TBL1XR1: variants seen among roughly 807,000 people sequenced by gnomAD.
TBL1XR1 encodes TBL1X/Y related 1.
Under a neutral mutation model 66.9 loss-of-function variants are expected in TBL1XR1, and 5 were observed. That is an observed-to-expected ratio of 0.07 (90% CI 0.04 to 0.16). The LOEUF is 0.16. Ranked by LOEUF, TBL1XR1 falls within the 10% of genes least tolerant of loss-of-function variation. The pLI is 1.00. For synonymous variants in TBL1XR1, 210 were observed against 206.0 expected, an observed-to-expected ratio of 1.02 and a Z score of -0.17; for missense variants, 238 against 623.2, an observed-to-expected ratio of 0.38 and a Z score of 6.58.
At chr3:177,032,533 G>A (rs1273814163) in intron 14 of TBL1XR1, 1 of 152,450 alleles carries the variant, frequency 6.6e-6, no homozygotes, top group Non-Finnish European at 1.5e-5. Flanking sequence ...AAGAATCTCT[G>A]AAACACCATA....
chr3:177,052,343 A>G (rs533149445), intron 4 of TBL1XR1, among the ~76,000 whole-genome samples: 2 of 152,336 alleles, frequency 1.3e-5, no homozygotes, highest in African/African-American at 2.4e-5. Flanking sequence ...AAATACAAAC[A>G]GTACAAATTA....
In TBL1XR1 at chr3:177,065,006, C is replaced by G. The variant is rs1373599911; in HGVS notation, c.-29G>C. The G allele has an allele frequency of 6.6e-7, 1 of 1,508,246 alleles. No individual in the cohort carries two copies. The highest frequency in any genetic ancestry group is 1.4e-5 in the African/African-American group (1 of 70,066). The allele number at this position is 1,508,246 out of a possible 1,614,324, so 93.4% of individuals were successfully genotyped here. On this transcript the variant is annotated 5_prime_UTR_variant, in exon 3 of 16. Transcript: ENST00000457928. ...TATTCCCACTTAAACCATGAGGTCA[C>G]AACACAGGATATAACCCTAAAAATA...
At chr3:177,061,008 T>C (rs557636763) in intron 3 of TBL1XR1, among the ~76,000 whole-genome samples, 2 of 152,332 alleles carry the variant, frequency 1.3e-5, no homozygotes, top group South Asian at 2.1e-4. Context: ...GTCCACTTCA[T>C]AAAAAGGCAG....
intron 1 of TBL1XR1, among the ~76,000 whole-genome samples, chr3:177,115,611 C>T (rs897321651): frequency 6.6e-6 from 1 of 151,966 alleles, no homozygotes; most frequent in Admixed American, 6.6e-5. Context: ...TATCCGTACG[C>T]CTCATTCCAC....
intron 2 of TBL1XR1, among the ~76,000 whole-genome samples, chr3:177,076,275 T>G (rs546379025): frequency 4.4e-4 from 67 of 152,288 alleles, no homozygotes; most frequent in African/African-American, 1.3e-3. Context: ...CAACATAAAT[T>G]TTGGAGGGAC....
chr3:177,072,601 AGT>A (rs2108571581), intron 2 of TBL1XR1, among the ~76,000 whole-genome samples: 1 of 152,324 alleles, frequency 6.6e-6, no homozygotes, highest in South Asian at 2.1e-4. Context: ...TAAGTAACAG[AGT>A]TACTTCCGTT....
At chr3:177,155,865 C>T (rs1416988272) in intron 1 of TBL1XR1, among the ~76,000 whole-genome samples, 1 of 151,898 alleles carries the variant, frequency 6.6e-6, no homozygotes, top group Non-Finnish European at 1.5e-5. Context: ...CAGAATTAGC[C>T]AGGCGTGGTG....
intron 15 of TBL1XR1, 33 bp from the exon 16 acceptor site, chr3:177,025,557 T>C: frequency 3.1e-6 from 5 of 1,602,610 alleles, no homozygotes; most frequent in Non-Finnish European, 3.4e-6. Context: ...ACCAGTGTAT[T>C]CAGAATTTTA....
At chr3:177,198,865 GACACACACACACACACAC>G (rs57636923), upstream of TBL1XR1, among the ~76,000 whole-genome samples, 310 of 148,174 alleles carry the variant, frequency 2.1e-3, 5 homozygotes, top group East Asian at 0.02. Context: ...GAAGTTTTGC[GACACACACACACACACAC>G]ACACACACAC....
At chr3:177,037,940 A>G (rs903691905) in intron 12 of TBL1XR1, 158 bp downstream of exon 12, 12 of 597,594 alleles carry the variant, frequency 2.0e-5, no homozygotes, top group Non-Finnish European at 3.2e-5. Context: ...AAGAAACTAT[A>G]AAATTTAAAA....
At chr3:177,103,673 C>G (rs1724513455) in intron 1 of TBL1XR1, among the ~76,000 whole-genome samples, 1 of 152,106 alleles carries the variant, frequency 6.6e-6, no homozygotes, top group African/African-American at 2.4e-5. Flanking sequence ...ATTATGGGCC[C>G]TTTTCCTAGA....
At chr3:177,108,775 A>C (rs73187540) in intron 1 of TBL1XR1, among the ~76,000 whole-genome samples, 10,444 of 152,292 alleles carry the variant, frequency 0.069, 527 homozygotes, top group Admixed American at 0.17. Flanking sequence ...TAATGCAAAC[A>C]ACAAAGAAAC....
rs547166188 is a variant in TBL1XR1, at chr3:177,146,479, G to C, written c.-121-47938C>G. 6.7e-5 allele frequency among the ~76,000 whole-genome samples: 10 copies of C among 150,222 alleles called. No homozygotes were observed. In the South Asian group the frequency reaches 2.1e-3, roughly 32 times the overall value. On this transcript the variant is annotated intron_variant, in intron 1 of 15. Coordinates refer to ENST00000457928, the MANE Select transcript of TBL1XR1 (RefSeq NM_024665.7). The stretch of plus-strand genomic sequence containing the variant: ...TTTTTTGTATTTTTAGTAGAGATGG[G>C]GGTTTCACCATGTTGGCCAGGCTGG...
intron 1 of TBL1XR1, among the ~76,000 whole-genome samples, chr3:177,117,121 G>A (rs371737342): frequency 1.4e-4 from 21 of 152,224 alleles, no homozygotes; most frequent in African/African-American, 5.1e-4. Context: ...TGCAGGAGTG[G>A]GTCAAGATTA....
intron 1 of TBL1XR1, among the ~76,000 whole-genome samples, chr3:177,148,465 C>T (rs1249670644): frequency 6.6e-6 from 1 of 152,184 alleles, no homozygotes; most frequent in African/African-American, 2.4e-5. Context: ...CCTGTAATGC[C>T]AGCACTTTGG....
At chr3:177,051,793 A>T in intron 4 of TBL1XR1, 67 bp from the exon 5 acceptor site, 2 of 1,342,650 alleles carry the variant, frequency 1.5e-6, no homozygotes, top group Non-Finnish European at 1.9e-6. Flanking sequence ...GTATTTATAC[A>T]AAATCAGAAA....
intron 9 of TBL1XR1, 108 bp downstream of exon 9, chr3:177,047,192 T>C (rs1716442652): frequency 1.1e-6 from 1 of 897,546 alleles, no homozygotes; most frequent in African/African-American, 1.7e-5. Context: ...AATTCCTATG[T>C]GAATTTCCCA....
In TBL1XR1 at chr3:177,019,590, A is replaced by G. The variant is rs1712099541; in HGVS notation, c.*5908T>C. 1.3e-5 allele frequency: 2 copies of G among 152,208 alleles called. No homozygotes were observed. Among genetic ancestry groups the G allele is most frequent in the African/African-American group, 4.8e-5 (2 of 41,456 alleles). 9.4% of individuals were successfully genotyped at this position (152,208 alleles called of 1,614,324 possible). A position where few individuals can be genotyped will look rare whatever the true frequency, so the allele number is the denominator to read the frequency against. On this transcript the variant is annotated 3_prime_UTR_variant, in exon 16 of 16. Transcript: ENST00000457928. ...TACCATCTAAAGTGTCTTTTCCTCC[A>G]CTGTATTTTTTCAAATGAATATATT...
chr3:177,051,892 G>A (rs1373174725), intron 4 of TBL1XR1, among the ~76,000 whole-genome samples, 166 bp from the exon 5 acceptor site: 3 of 152,098 alleles, frequency 2.0e-5, no homozygotes, highest in Non-Finnish European at 2.9e-5. Context: ...GAAACTACAA[G>A]CAGCAACTGG....
Sources: gnomAD v4.1 joint callset for allele counts (sites outside exome capture counted in the v4.1 genomes callset) on GRCh38, gnomAD v4.1.1 for gene constraint, MANE v1.5 for transcripts, NCBI Gene and HGNC (gene_info 2026-07-23, HGNC 2026-07-21) for gene names.